DGKI: variants seen among roughly 807,000 people sequenced by gnomAD.
DGKI encodes the protein DAG kinase iota.
In DGKI, 55 loss-of-function variants were observed where a neutral mutation model predicts 147.5. The ratio of observed to expected loss-of-function variants is 0.37; its 90% confidence interval spans 0.30 to 0.47. The LOEUF (loss-of-function observed/expected upper bound fraction) is 0.47, where lower values mean the gene tolerates loss of function less well. DGKI is among the 20% of genes least tolerant of loss of function. The pLI is 1.00. For missense variants in DGKI, 1,007 were observed against 1,323.8 expected (o/e 0.76, Z 3.71); for synonymous variants, 469 against 477.1 (o/e 0.98, Z 0.22).
At chr7:137,534,010 T>G (rs1373651224) in intron 20 of DGKI, among the ~76,000 whole-genome samples, 1 of 152,116 alleles carries the variant, frequency 6.6e-6, no homozygotes, top group East Asian at 1.9e-4. Flanking sequence ...TCTTTTCATT[T>G]CATGGAAGTG....
intron 1 of DGKI, among the ~76,000 whole-genome samples, chr7:137,748,285 A>G (rs1795402205): frequency 6.6e-6 from 1 of 151,698 alleles, no homozygotes; most frequent in South Asian, 2.1e-4. Context: ...ATATAATACT[A>G]TTTGTATTAT....
chr7:137,730,120 T>C (rs1460370246), intron 1 of DGKI, among the ~76,000 whole-genome samples: 3 of 152,140 alleles, frequency 2.0e-5, no homozygotes, highest in South Asian at 4.1e-4. Flanking sequence ...ATCTCTGGCA[T>C]GGCATTCATG....
intron 19 of DGKI, among the ~76,000 whole-genome samples, chr7:137,569,385 G>T (rs1318223216): frequency 6.6e-6 from 1 of 152,026 alleles, no homozygotes; most frequent in African/African-American, 2.4e-5. Flanking sequence ...CGTATGGACA[G>T]TTTAGAGAGT....
intron 1 of DGKI, among the ~76,000 whole-genome samples, chr7:137,703,053 T>C (rs1194763146): frequency 2.0e-5 from 3 of 152,158 alleles, no homozygotes; most frequent in Non-Finnish European, 2.9e-5. Flanking sequence ...CACACTGCTA[T>C]AAAGAACTAC....
chr7:137,717,935 C>T (rs1794429913), intron 1 of DGKI, among the ~76,000 whole-genome samples: 1 of 152,162 alleles, frequency 6.6e-6, no homozygotes, highest in South Asian at 2.1e-4. Flanking sequence ...AATTACACAA[C>T]CCACCCAGCG....
At chr7:137,706,377 CT>C (rs2116537699) in intron 1 of DGKI, among the ~76,000 whole-genome samples, 1 of 151,656 alleles carries the variant, frequency 6.6e-6, no homozygotes, top group East Asian at 1.9e-4. Context: ...GAAGTTTGGC[CT>C]TTAGTTCCAG....
chr7:137,622,587 T>C (rs746995250), intron 7 of DGKI, among the ~76,000 whole-genome samples: 7 of 152,082 alleles, frequency 4.6e-5, no homozygotes, highest in Admixed American at 2.0e-4. Flanking sequence ...AAAGTGTCTA[T>C]AGACAATACA....
At chr7:137,768,441 C>T (rs1796082091) in intron 1 of DGKI, among the ~76,000 whole-genome samples, 1 of 152,144 alleles carries the variant, frequency 6.6e-6, no homozygotes, top group Non-Finnish European at 1.5e-5. Flanking sequence ...TTTTAAATAG[C>T]TTCGTCACAC....
chr7:137,395,894 T>C, intron 31 of DGKI, 197 bp from the exon 32 acceptor site: 1 of 546,242 alleles, frequency 1.8e-6, no homozygotes, highest in Non-Finnish European at 3.3e-6. Flanking sequence ...CTGATCATAA[T>C]ATCTGACTCT....
At chr7:137,557,746 C>G (rs1563084111) in intron 19 of DGKI, among the ~76,000 whole-genome samples, 1 of 152,148 alleles carries the variant, frequency 6.6e-6, no homozygotes, top group Non-Finnish European at 1.5e-5. Context: ...CTCAGACAGG[C>G]AGCCCTCACT....
chr7:137,688,163 C>T (rs138573163), intron 2 of DGKI, among the ~76,000 whole-genome samples: 2 of 152,220 alleles, frequency 1.3e-5, no homozygotes, highest in Non-Finnish European at 2.9e-5. Context: ...CAGTGACGTC[C>T]TCATTTCCCT....
chr7:137,618,151 A>ATATATATATATATATATTT lies in DGKI; in HGVS notation c.993+1672_993+1673insAAATATATATATATATATA. Among the ~76,000 whole-genome samples the ATATATATATATATATATTT allele has an allele frequency of 5.8e-3, 61 of 10,432 alleles. 1 individual carries two copies. Among genetic ancestry groups the ATATATATATATATATATTT allele is most frequent in the African/African-American group, 7.4e-3 (59 of 7,978 alleles). 6.8% of individuals were successfully genotyped at this position (10,432 alleles called of 152,430 possible). On this transcript the variant is annotated intron_variant, in intron 8 of 32. Transcript: ENST00000614521. ...ACTATATATATATATATATATATAT[A>ATATATATATATATATATTT]TTTTTTTTTTTTTACTCTATCATTC...
intron 2 of DGKI, among the ~76,000 whole-genome samples, chr7:137,685,792 A>C (rs1403512472): frequency 6.6e-6 from 1 of 152,186 alleles, no homozygotes; most frequent in Non-Finnish European, 1.5e-5. Flanking sequence ...GCGCCTTAAA[A>C]TCTAACACAA....
intron 20 of DGKI, among the ~76,000 whole-genome samples, chr7:137,530,026 A>G (rs1364253976): frequency 6.6e-6 from 1 of 152,214 alleles, no homozygotes; most frequent in Non-Finnish European, 1.5e-5. Context: ...TGCTGGGATT[A>G]CAGGTGTGAG....
At chr7:137,449,532 T>C (rs1813867573) in intron 27 of DGKI, among the ~76,000 whole-genome samples, 1 of 152,148 alleles carries the variant, frequency 6.6e-6, no homozygotes, top group South Asian at 2.1e-4. Context: ...AACATGAAAC[T>C]GCTAGAAGAA....
intron 27 of DGKI, among the ~76,000 whole-genome samples, chr7:137,455,665 C>T (rs1380246682): frequency 6.7e-6 from 1 of 148,914 alleles, no homozygotes; most frequent in East Asian, 2.0e-4. Flanking sequence ...AATGTGGTCT[C>T]CATCTCCCTG....
In DGKI at chr7:137,762,124, G is replaced by A. The variant is rs181885249; in HGVS notation, c.402-72122C>T. 1.5e-3 allele frequency among the ~76,000 whole-genome samples: 232 copies of A among 152,208 alleles called. 4 individuals carry two copies. The highest frequency in any genetic ancestry group is 0.014 in the Admixed American group (215 of 15,284). On this transcript the variant is annotated intron_variant, in intron 1 of 32. Transcript: ENST00000614521. ...ACCCCTCTCAAATCATTCCGTATAC[G>A]GTAGCCAGAACAGCCCACTTTAATG...
intron 3 of DGKI, among the ~76,000 whole-genome samples, chr7:137,666,528 C>T (rs1375537191): frequency 6.6e-6 from 1 of 152,214 alleles, no homozygotes; most frequent in Non-Finnish European, 1.5e-5. Flanking sequence ...AATCTTCTTA[C>T]AATTCAGGCA....
chr7:137,652,685 G>A (rs1363436606), intron 5 of DGKI, among the ~76,000 whole-genome samples: 2 of 136,708 alleles, frequency 1.5e-5, no homozygotes, highest in Non-Finnish European at 2.9e-5. Flanking sequence ...ACAACTGATG[G>A]GGACAACTAT....
Sources: gnomAD v4.1 joint callset for allele counts (sites outside exome capture counted in the v4.1 genomes callset) on GRCh38, gnomAD v4.1.1 for gene constraint, MANE v1.5 for transcripts, NCBI Gene and HGNC (gene_info 2026-07-23, HGNC 2026-07-21) for gene names.